PRKG1: variants seen among roughly 807,000 people sequenced by gnomAD.
PRKG1 encodes the protein protein kinase cGMP-dependent 1.
In PRKG1, 35 loss-of-function variants were observed where a neutral mutation model predicts 88.1. That is an observed-to-expected ratio of 0.40 (90% CI 0.30 to 0.53). The LOEUF is 0.53. Ranked by LOEUF, PRKG1 falls within the 20% of genes least tolerant of loss-of-function variation. The pLI, the probability that PRKG1 is intolerant of heterozygous loss-of-function variation, is 0.59. For synonymous variants in PRKG1, 303 were observed against 292.5 expected (o/e 1.04, Z -0.37); for missense variants, 540 against 839.8 (o/e 0.64, Z 4.41).
intron 12 of PRKG1, among the ~76,000 whole-genome samples, chr10:52,275,742 T>C (rs957284672): frequency 6.6e-6 from 1 of 152,112 alleles, no homozygotes; most frequent in Non-Finnish European, 1.5e-5. Context: ...TTGATAGGGA[T>C]TGCATTGAAT....
At position 51,843,951 on chromosome 10, in the gene PRKG1, G is replaced by A. The variant is rs150901331; in HGVS notation, c.698+39261G>A. ...AGGCATGAATAAAGAATTCAGGGAA[G>A]AAAATGATGTCTTCATGTTCAATTA... On this transcript the variant is annotated intron_variant, in intron 4 of 17. Coordinates refer to ENST00000373980, the MANE Select transcript of PRKG1 (RefSeq NM_006258.4). Among the ~76,000 whole-genome samples the A allele has an allele frequency of 2.3e-3, 354 of 152,236 alleles. 1 individual carries two copies. Among genetic ancestry groups the A allele is most frequent in the African/African-American group, 8.2e-3 (339 of 41,554 alleles).
intron 3 of PRKG1, among the ~76,000 whole-genome samples, chr10:51,539,509 T>A (rs541682696): frequency 1.1e-4 from 16 of 152,296 alleles, no homozygotes; most frequent in Admixed American, 7.8e-4. Context: ...CTGATACATC[T>A]CTGGGAAGCA....
At chr10:51,534,722 G>A (rs1842104013) in intron 3 of PRKG1, among the ~76,000 whole-genome samples, 3 of 151,238 alleles carry the variant, frequency 2.0e-5, no homozygotes, top group Admixed American at 1.3e-4. Flanking sequence ...CATGGTTCAT[G>A]GTTGCTATTG....
At position 51,712,738 on chromosome 10, in the gene PRKG1, C is replaced by T. The variant is rs185716034; in HGVS notation, c.593-91847C>T. 4.6e-3 allele frequency among the ~76,000 whole-genome samples: 703 copies of T among 151,682 alleles called. 6 individuals carry two copies. The highest frequency in any genetic ancestry group is 0.016 in the African/African-American group (651 of 41,408). ...CGGAGTAGCTGGGACTATAGGCGCC[C>T]GCCACCACGCCCGGCTAATTTTTTG... On this transcript the variant is annotated intron_variant, in intron 3 of 17. Transcript: ENST00000373980.
intron 5 of PRKG1, among the ~76,000 whole-genome samples, chr10:51,947,291 T>A (rs575804540): frequency 6.6e-6 from 1 of 152,214 alleles, no homozygotes; most frequent in South Asian, 2.1e-4. Context: ...AATCTCCTGG[T>A]GCGCCGTTTT....
chr10:52,142,051 G>A (rs750145857), intron 8 of PRKG1, among the ~76,000 whole-genome samples: 2 of 152,034 alleles, frequency 1.3e-5, no homozygotes, highest in African/African-American at 4.8e-5. Flanking sequence ...AAGACAGATC[G>A]GGTATTCACA....
At chr10:51,861,743 G>A (rs984000211) in intron 4 of PRKG1, among the ~76,000 whole-genome samples, 5 of 152,200 alleles carry the variant, frequency 3.3e-5, no homozygotes, top group African/African-American at 1.2e-4. Context: ...AATCATGAAA[G>A]TTTTTACTCA....
rs149190750 is a variant in PRKG1, at chr10:51,713,460, C to T, written c.593-91125C>T. On this transcript the variant is annotated intron_variant, in intron 3 of 17. Transcript: ENST00000373980. The stretch of plus-strand genomic sequence containing the variant: ...ATTCTTTTCTAATTTTTGATGGTTG[C>T]TTCCTTATTAAAACAGAGTGCCTAC... Among the ~76,000 whole-genome samples, 677 of 152,272 alleles carry T rather than the reference C, an allele frequency of 4.4e-3. 2 individuals are homozygous for T. Among genetic ancestry groups the T allele is most frequent in the African/African-American group, 0.016 (655 of 41,566 alleles).
chr10:51,123,519 C>A (rs1845316495), intron 1 of PRKG1, among the ~76,000 whole-genome samples: 1 of 152,006 alleles, frequency 6.6e-6, no homozygotes, highest in Admixed American at 6.6e-5. Context: ...AACACCATCT[C>A]TACTAAAAAT....
chr10:51,041,058 C>G (rs908212279), intron 1 of PRKG1, among the ~76,000 whole-genome samples: 3 of 152,032 alleles, frequency 2.0e-5, no homozygotes, highest in African/African-American at 7.2e-5. Flanking sequence ...CTTTCCCACC[C>G]TTACCCTTCC....
intron 2 of PRKG1, among the ~76,000 whole-genome samples, chr10:51,159,241 G>A (rs1846300237): frequency 6.6e-6 from 1 of 152,088 alleles, no homozygotes; most frequent in African/African-American, 2.4e-5. Flanking sequence ...GCCTTTCGAT[G>A]TCAGATGGCA....
chr10:51,904,454 A>G (rs1842043658), intron 4 of PRKG1, among the ~76,000 whole-genome samples: 1 of 152,144 alleles, frequency 6.6e-6, no homozygotes, highest in Admixed American at 6.6e-5. Context: ...AACTATAAAC[A>G]TTCTGAATTG....
intron 2 of PRKG1, among the ~76,000 whole-genome samples, chr10:51,226,402 A>T (rs958945757): frequency 1.3e-5 from 2 of 152,100 alleles, no homozygotes; most frequent in African/African-American, 4.8e-5. Context: ...AAAGTCATGG[A>T]TGTTGTGTAT....
intron 3 of PRKG1, among the ~76,000 whole-genome samples, chr10:51,508,554 T>A (rs183867669): frequency 0.018 from 2,742 of 151,086 alleles, 28 homozygotes; most frequent in Non-Finnish European, 0.03. Context: ...ATGACTTTTT[T>A]TAAAAAAAAA....
At chr10:51,267,010 G>T (rs756613364) in intron 2 of PRKG1, among the ~76,000 whole-genome samples, 1 of 152,136 alleles carries the variant, frequency 6.6e-6, no homozygotes, top group Non-Finnish European at 1.5e-5. Context: ...TGATATGGAA[G>T]GGGTGTTGAA....
At chr10:51,153,970 C>T (rs1468442737) in intron 2 of PRKG1, among the ~76,000 whole-genome samples, 1 of 151,956 alleles carries the variant, frequency 6.6e-6, no homozygotes, top group East Asian at 1.9e-4. Context: ...GAAATCTATA[C>T]TGACATGCTT....
chr10:51,102,029 T>C (rs894140668), intron 1 of PRKG1, among the ~76,000 whole-genome samples: 1 of 152,172 alleles, frequency 6.6e-6, no homozygotes, highest in African/African-American at 2.4e-5. Context: ...ATTTGCCAAT[T>C]TCTGTGGAGT....
In PRKG1 at chr10:51,784,491, T is replaced by A. The variant is rs115223378; in HGVS notation, c.593-20094T>A. 4.1e-3 allele frequency among the ~76,000 whole-genome samples: 620 copies of A among 152,230 alleles called. 4 individuals are homozygous for A. The highest frequency in any genetic ancestry group is 0.014 in the African/African-American group (589 of 41,552). Reference sequence around the variant, plus strand: ...AACAACTTCTACCTGCCAGAAAGGATGAATAGTTTTACCCTGGGACATTTC... The same window carrying A: ...AACAACTTCTACCTGCCAGAAAGGAAGAATAGTTTTACCCTGGGACATTTC... On this transcript the variant is annotated intron_variant, in intron 3 of 17. Coordinates refer to ENST00000373980, the MANE Select transcript of PRKG1 (RefSeq NM_006258.4).
intron 2 of PRKG1, among the ~76,000 whole-genome samples, chr10:51,461,967 C>A (rs994419146): frequency 1.3e-5 from 2 of 152,196 alleles, no homozygotes; most frequent in Non-Finnish European, 2.9e-5. Flanking sequence ...ATTAAGAAAG[C>A]AGATCCACAG....
Sources: allele counts gnomAD v4.1 joint callset (sites outside exome capture counted in the v4.1 genomes callset), GRCh38; gene constraint gnomAD v4.1.1; transcripts MANE v1.5; gene names NCBI Gene and HGNC (gene_info 2026-07-23, HGNC 2026-07-21).